Variants in TAF1 observed in about 807,000 individuals in gnomAD.
TAF1 encodes the protein transcription initiation factor TFIID subunit 1.
A neutral mutation model predicts 138.5 loss-of-function variants in TAF1; 2 were observed. That is an observed-to-expected ratio of 0.01 (90% CI 0.01 to 0.05). The LOEUF (loss-of-function observed/expected upper bound fraction) is 0.05. TAF1 is among the 10% of genes least tolerant of loss of function. TAF1 has a pLI of 1.00. For missense variants in TAF1, 709 were observed against 1,478.0 expected, an observed-to-expected ratio of 0.48 and a Z score of 8.53; for synonymous variants, 437 against 503.2, an observed-to-expected ratio of 0.87 and a Z score of 1.76.
At chrX:71,394,901 G>A (rs749523585) in intron 22 of TAF1, among the ~76,000 whole-genome samples, 1 of 111,837 alleles carries the variant, frequency 8.9e-6, no homozygotes, top group South Asian at 3.7e-4. Flanking sequence ...AGAAAATGTT[G>A]CCCAGGATGG....
At chrX:71,442,444 G>T (rs1200572151) in intron 32 of TAF1, among the ~76,000 whole-genome samples, 1 of 112,298 alleles carries the variant, frequency 8.9e-6, no homozygotes, top group Non-Finnish European at 1.9e-5. Context: ...TCATGTGTCT[G>T]TTGGCTGCAT....
chrX:71,369,853 T>G (rs1176675537), intron 3 of TAF1, among the ~76,000 whole-genome samples: 1 of 107,525 alleles, frequency 9.3e-6, no homozygotes, highest in Non-Finnish European at 1.9e-5. Context: ...GACCTCGTGA[T>G]CCACCCGCCT....
At position 71,420,988 on chromosome X, in the gene TAF1, C is replaced by T. The variant is rs1380482689; in HGVS notation, c.4385-321C>T. 8.9e-5 allele frequency among the ~76,000 whole-genome samples: 10 copies of T among 112,856 alleles called. No homozygotes were observed. The Admixed American group carries it at 9.3e-4, about 10-fold the overall frequency. On this transcript the variant is annotated intron_variant, in intron 28 of 37. Coordinates refer to ENST00000423759, the MANE Select transcript of TAF1 (RefSeq NM_004606.5). The stretch of plus-strand genomic sequence containing the variant: ...CCCCAGCCGCCCGCTGCCGCCTGCT[C>T]ACTCTTTAGGCATTCTTAAAGAAAT...
intron 3 of TAF1, among the ~76,000 whole-genome samples, chrX:71,372,621 A>G (rs2033151914): frequency 9.4e-6 from 1 of 106,169 alleles, no homozygotes; most frequent in East Asian, 2.9e-4. Flanking sequence ...CCTGGGCAAC[A>G]GAGCAAGACC....
intron 13 of TAF1, among the ~76,000 whole-genome samples, chrX:71,487,118 C>T (rs1335392973): frequency 9.5e-6 from 1 of 105,344 alleles, no homozygotes; most frequent in African/African-American, 3.5e-5. Context: ...TTTTTATCCA[C>T]CCCTCTTCCT....
At chrX:71,396,895 C>T (rs1222978988) in intron 22 of TAF1, among the ~76,000 whole-genome samples, 1 of 108,401 alleles carries the variant, frequency 9.2e-6, no homozygotes, top group East Asian at 2.9e-4. Flanking sequence ...TGTGGTGGTA[C>T]ACGCCTGTAG....
intron 22 of TAF1, among the ~76,000 whole-genome samples, chrX:71,395,299 C>T (rs1462138117): frequency 9.0e-6 from 1 of 111,062 alleles, no homozygotes; most frequent in Non-Finnish European, 1.9e-5. Context: ...ATATGAGCCC[C>T]GGAGTTTGAG....
At chrX:71,455,544 C>G (rs1441694608) in intron 34 of TAF1, among the ~76,000 whole-genome samples, 1 of 111,421 alleles carries the variant, frequency 9.0e-6, no homozygotes, top group East Asian at 2.8e-4. Context: ...ATTGGAGGCA[C>G]TATGGTAGGG....
At chrX:71,478,109 A>G (rs1349254584) in intron 13 of TAF1, among the ~76,000 whole-genome samples, 2 of 111,110 alleles carry the variant, frequency 1.8e-5, no homozygotes, top group Admixed American at 1.9e-4. Context: ...TGGGCCAGGC[A>G]TGGTGGCTGA....
intron 1 of TAF1, 102 bp downstream of exon 1, chrX:71,366,596 C>T: frequency 1.2e-6 from 1 of 844,871 alleles, no homozygotes; most frequent in Non-Finnish European, 1.6e-6. Context: ...GAGAACAGGG[C>T]GCAGCTAACG....
chrX:71,383,014 A>G lies in TAF1; in HGVS notation c.1797A>G (p.Leu599=). 1 of 1,208,934 alleles carries G rather than the reference A, an allele frequency of 8.3e-7. No individual in the cohort carries two copies. Among genetic ancestry groups the G allele is most frequent in the Non-Finnish European group, 1.1e-6 (1 of 894,701 alleles). The change falls in exon 12 of 38, where the codon TTA becomes TTG. Residue 599 remains leucine (L), a synonymous_variant. Transcript: ENST00000423759. ...AGCATTCAATTCCTGCTGTGGAATT[A>G]CGGCAGCCCTTCTTTCCCACCCACA... is the stretch of plus-strand genomic sequence containing the variant. ...IIQHSIPAVE[L]RQPFFPTHMG...
intron 13 of TAF1, among the ~76,000 whole-genome samples, chrX:71,493,413 T>C (rs930355228): frequency 4.4e-5 from 5 of 112,735 alleles, no homozygotes; most frequent in African/African-American, 1.3e-4. Flanking sequence ...CTTGTTACAA[T>C]GTCTTAAGTC....
At chrX:71,389,531 T>C in intron 17 of TAF1, 54 bp from the exon 18 acceptor site, 1 of 1,061,797 alleles carries the variant, frequency 9.4e-7, no homozygotes, top group East Asian at 3.1e-5. Flanking sequence ...AAAAAAAACT[T>C]GTGCTTTGTG....
intron 32 of TAF1, among the ~76,000 whole-genome samples, chrX:71,439,334 A>C (rs1172794425): frequency 9.0e-6 from 1 of 111,365 alleles, no homozygotes; most frequent in Non-Finnish European, 1.9e-5. Flanking sequence ...AAGTTCCAAC[A>C]TCCAGTATGT....
At chrX:71,485,918 A>G (rs954989199) in intron 13 of TAF1, among the ~76,000 whole-genome samples, 15 of 110,797 alleles carry the variant, frequency 1.4e-4, no homozygotes, top group African/African-American at 4.9e-4. Context: ...ACTCATTGCC[A>G]AATCCAAGGT....
In TAF1 at chrX:71,407,969, T is replaced by G. The variant is rs1328105389; in HGVS notation, c.4207-5T>G. The G allele has an allele frequency of 1.2e-5, 14 of 1,205,270 alleles. No individual in the cohort carries two copies. In the South Asian group the frequency reaches 1.8e-4, roughly 15 times the overall value. ...CTGATGTATGGTTCTGGCCCTTGTT[T>G]GCAGACATACCCTTTCCACACTCCA... On this transcript the variant is annotated splice_polypyrimidine_tract_variant and splice_region_variant and intron_variant, in intron 27 of 37. Coordinates refer to ENST00000423759, the MANE Select transcript of TAF1 (RefSeq NM_004606.5).
intron 13 of TAF1, among the ~76,000 whole-genome samples, chrX:71,489,039 C>T (rs1246263614): frequency 3.8e-5 from 4 of 106,508 alleles, no homozygotes; most frequent in Non-Finnish European, 5.8e-5. Context: ...TGCACTCCAG[C>T]CTGAGCAACA....
chrX:71,442,605 G>A (rs1325939827), intron 32 of TAF1, among the ~76,000 whole-genome samples: 1 of 111,943 alleles, frequency 8.9e-6, no homozygotes, highest in Non-Finnish European at 1.9e-5. Context: ...CTCCCATTCT[G>A]TAGGTTGCCT....
chrX:71,417,595 C>T (rs1204935843), intron 28 of TAF1, among the ~76,000 whole-genome samples: 1 of 110,672 alleles, frequency 9.0e-6, no homozygotes, highest in Non-Finnish European at 1.9e-5. Context: ...AACTCCTGGG[C>T]TCAAGCGATC....
Sources: allele counts gnomAD v4.1 joint callset (sites outside exome capture counted in the v4.1 genomes callset), GRCh38; gene constraint gnomAD v4.1.1; transcripts MANE v1.5; gene names NCBI Gene and HGNC (gene_info 2026-07-23, HGNC 2026-07-21).